Variants in ADGRB3 observed in about 807,000 individuals in gnomAD.
The protein encoded by ADGRB3 is adhesion G protein-coupled receptor B3, also known as brain-specific angiogenesis inhibitor 3.
ADGRB3 carries 37 observed loss-of-function variants against 193.4 expected under a neutral mutation model. That is an observed-to-expected ratio of 0.19 (90% CI 0.15 to 0.25). The LOEUF is 0.25. ADGRB3 is among the 10% of genes least tolerant of loss of function. The pLI, the probability that ADGRB3 is intolerant of heterozygous loss-of-function variation, is 1.00. For synonymous variants in ADGRB3, 690 were observed against 644.2 expected (o/e 1.07, Z -1.08); for missense variants, 1,637 against 1,852.9 (o/e 0.88, Z 2.14).
chr6:69,323,275 A>G (rs1016258617), intron 20 of ADGRB3, among the ~76,000 whole-genome samples: 4 of 152,026 alleles, frequency 2.6e-5, no homozygotes, highest in African/African-American at 9.7e-5. Context: ...ATGACTTAGA[A>G]AGGTTATCTA....
intron 3 of ADGRB3, among the ~76,000 whole-genome samples, chr6:68,741,282 G>A (rs1283935553): frequency 1.3e-5 from 2 of 152,098 alleles, no homozygotes; most frequent in African/African-American, 2.4e-5. Flanking sequence ...TAAGGCACCC[G>A]GAGATAAAGT....
chr6:69,221,683 T>A (rs1198554137), intron 17 of ADGRB3, among the ~76,000 whole-genome samples: 1 of 152,154 alleles, frequency 6.6e-6, no homozygotes, highest in Non-Finnish European at 1.5e-5. Context: ...TGGAATTTCG[T>A]ATATGGTTCT....
chr6:68,666,200 T>C (rs1271303556), intron 3 of ADGRB3, among the ~76,000 whole-genome samples: 1 of 151,882 alleles, frequency 6.6e-6, no homozygotes, highest in Non-Finnish European at 1.5e-5. Context: ...GTTTAAGGCA[T>C]GTTTGAAACT....
chr6:68,638,911 G>A lies in ADGRB3; in HGVS notation c.236G>A (p.Ser79Asn). ...IYLKFSKKDL[S>N]CSNFSLLAYQ... Reference sequence around the variant, plus strand: ...CTGAAATTTTCCAAAAAGGACCTTAGCTGCTCTAACTTTTCACTCCTGGCT... The same window carrying A: ...CTGAAATTTTCCAAAAAGGACCTTAACTGCTCTAACTTTTCACTCCTGGCT... The change falls in exon 3 of 32, where the codon AGC becomes AAC. Residue 79 changes from serine to asparagine, a missense_variant. By Grantham distance (46) the Ser-to-Asn change is conservative (BLOSUM62 1). Transcript: ENST00000370598. 1.2e-6 allele frequency: 2 copies of A among 1,614,038 alleles called. No individual in the cohort carries two copies. Among genetic ancestry groups the A allele is most frequent in the Non-Finnish European group, 1.7e-6 (2 of 1,180,004 alleles).
At chr6:69,074,614 C>T (rs917185578) in intron 16 of ADGRB3, among the ~76,000 whole-genome samples, 3 of 150,020 alleles carry the variant, frequency 2.0e-5, no homozygotes, top group African/African-American at 7.4e-5. Context: ...GATCTCGGCT[C>T]ACTCACTGCA....
intron 19 of ADGRB3, among the ~76,000 whole-genome samples, chr6:69,236,200 G>A (rs1561961958): frequency 6.6e-6 from 1 of 151,908 alleles, no homozygotes; most frequent in Non-Finnish European, 1.5e-5. Context: ...TTGAGAGCAA[G>A]AATTAATTGT....
At chr6:69,024,589 A>C (rs1770371055) in intron 13 of ADGRB3, among the ~76,000 whole-genome samples, 1 of 152,232 alleles carries the variant, frequency 6.6e-6, no homozygotes, top group African/African-American at 2.4e-5. Flanking sequence ...AGGCTAAATA[A>C]GATCTTCAAA....
chr6:69,263,565 G>T (rs747407545), intron 20 of ADGRB3, among the ~76,000 whole-genome samples: 83 of 151,970 alleles, frequency 5.5e-4, no homozygotes, highest in Non-Finnish European at 1.0e-3. Context: ...TGCCTCATGT[G>T]CAAGTCTTGC....
rs868010056 is a variant in ADGRB3, at chr6:69,354,291, C to T, written c.3518C>T (p.Ser1173Phe). ...RNCQDPINADSSSSFPNGHAQ... is the reference protein window; with the variant it reads ...RNCQDPINADFSSSFPNGHAQ... The stretch of plus-strand genomic sequence containing the variant: ...TGTCAGGATCCCATCAATGCAGATT[C>T]TTCGAGTTCGTTTCCTAATGGGCAT... Residue 1173 changes from serine (S) to phenylalanine (F), a missense_variant, in exon 27 of 32, where the codon TCT becomes TTT. Physicochemically the swap from Ser to Phe is radical, Grantham distance 155. Coordinates refer to ENST00000370598, the MANE Select transcript of ADGRB3 (RefSeq NM_001704.3). 1.2e-6 allele frequency: 2 copies of T among 1,613,948 alleles called. No homozygotes were observed. Among genetic ancestry groups the T allele is most frequent in the Non-Finnish European group, 1.7e-6 (2 of 1,179,896 alleles).
chr6:68,884,605 C>A (rs1188370560), intron 3 of ADGRB3, among the ~76,000 whole-genome samples: 1 of 152,016 alleles, frequency 6.6e-6, no homozygotes, highest in African/African-American at 2.4e-5. Context: ...AGACAGTGGG[C>A]AGAAACTACA....
intron 3 of ADGRB3, among the ~76,000 whole-genome samples, chr6:68,904,530 A>G (rs1448146251): frequency 6.6e-6 from 1 of 152,202 alleles, no homozygotes; most frequent in African/African-American, 2.4e-5. Context: ...TGTTTTTAGA[A>G]ACATTACATA....
At chr6:68,722,198 G>T (rs1320489983) in intron 3 of ADGRB3, among the ~76,000 whole-genome samples, 3 of 151,656 alleles carry the variant, frequency 2.0e-5, no homozygotes, top group Non-Finnish European at 4.4e-5. Flanking sequence ...TGTGGTGTTT[G>T]GTTTTCTGTT....
intron 3 of ADGRB3, among the ~76,000 whole-genome samples, chr6:68,713,452 T>C (rs1765438065): frequency 6.6e-6 from 1 of 151,720 alleles, no homozygotes; most frequent in Admixed American, 6.6e-5. Flanking sequence ...AACCATTCTG[T>C]CCACTAGAAC....
intron 17 of ADGRB3, among the ~76,000 whole-genome samples, chr6:69,128,595 T>C (rs1007695567): frequency 1.3e-5 from 2 of 152,118 alleles, no homozygotes; most frequent in Non-Finnish European, 2.9e-5. Context: ...ACTCCAAGAA[T>C]CATCGATCCA....
chr6:68,662,838 A>G (rs1356493961), intron 3 of ADGRB3, among the ~76,000 whole-genome samples: 3 of 151,348 alleles, frequency 2.0e-5, no homozygotes, highest in Admixed American at 1.3e-4. Flanking sequence ...TAACTACAAA[A>G]CCACTATTTT....
intron 3 of ADGRB3, among the ~76,000 whole-genome samples, chr6:68,784,606 T>A (rs2093652570): frequency 6.6e-6 from 1 of 152,144 alleles, no homozygotes; most frequent in South Asian, 2.1e-4. Context: ...TGTATAAATT[T>A]CCTCAGTAAA....
intron 13 of ADGRB3, among the ~76,000 whole-genome samples, chr6:69,027,586 C>T (rs554333552): frequency 1.3e-5 from 2 of 152,210 alleles, no homozygotes; most frequent in South Asian, 2.1e-4. Context: ...CATCATGTGG[C>T]GCATGATTAT....
At chr6:68,847,495 G>A (rs150257515) in intron 3 of ADGRB3, among the ~76,000 whole-genome samples, 24 of 152,168 alleles carry the variant, frequency 1.6e-4, no homozygotes, top group African/African-American at 2.6e-4. Context: ...CATTGTTGCC[G>A]GTTTTTCTCA....
intron 3 of ADGRB3, among the ~76,000 whole-genome samples, chr6:68,732,802 G>A (rs956996265): frequency 7.9e-5 from 12 of 151,790 alleles, no homozygotes; most frequent in Admixed American, 4.0e-4. Context: ...AAAGGCACTC[G>A]GGTACTTTTA....
Sources: allele counts gnomAD v4.1 joint callset (sites outside exome capture counted in the v4.1 genomes callset), GRCh38; gene constraint gnomAD v4.1.1; transcripts MANE v1.5; gene names NCBI Gene and HGNC (gene_info 2026-07-23, HGNC 2026-07-21).